Variants in NXPE1 observed in about 807,000 individuals in gnomAD.
NXPE1 encodes the protein NXPE family member 1.
NXPE1 carries 31 observed loss-of-function variants against 33.3 expected under a neutral mutation model. That is an observed-to-expected ratio of 0.93 (90% confidence interval 0.70 to 1.26). The LOEUF (loss-of-function observed/expected upper bound fraction) is 1.26, where lower values mean the gene tolerates loss of function less well. Ranked by LOEUF, NXPE1 falls within the 50% of genes most tolerant of loss-of-function variation. The pLI, the probability that NXPE1 is intolerant of heterozygous loss-of-function variation, is 0.00. For synonymous variants in NXPE1, 229 were observed against 231.4 expected, an observed-to-expected ratio of 0.99 and a Z score of 0.09; for missense variants, 661 against 655.6, an observed-to-expected ratio of 1.01 and a Z score of -0.09.
At chr11:114,538,154 A>T (rs932550082) in intron 5 of NXPE1, among the ~76,000 whole-genome samples, 1 of 152,204 alleles carries the variant, frequency 6.6e-6, no homozygotes, top group Non-Finnish European at 1.5e-5. Context: ...TCTTTGACAA[A>T]CCTGACAAAA....
intron 5 of NXPE1, among the ~76,000 whole-genome samples, chr11:114,535,453 C>G (rs680595): frequency 0.6 from 91,087 of 152,018 alleles, 29,089 homozygotes; most frequent in African/African-American, 0.84. Flanking sequence ...AATGTAAATG[C>G]GCTAAATTGC....
At chr11:114,533,359 GT>G (rs1383837771) in intron 5 of NXPE1, among the ~76,000 whole-genome samples, 1 of 152,200 alleles carries the variant, frequency 6.6e-6, no homozygotes, top group East Asian at 1.9e-4. Flanking sequence ...CCCAGCATGA[GT>G]GATGCAGAAG....
At chr11:114,559,762 T>G (rs1948736093) in intron 1 of NXPE1, 36 bp downstream of exon 1, 2 of 152,332 alleles carry the variant, frequency 1.3e-5, no homozygotes, top group Admixed American at 1.3e-4. Context: ...AGATTAGAAA[T>G]AGAGAAAGGC....
At chr11:114,554,480 TAAAA>T in intron 1 of NXPE1, 1 of 615,610 alleles carries the variant, frequency 1.6e-6, no homozygotes, top group Non-Finnish European at 2.0e-6. Flanking sequence ...TCCAAATACA[TAAAA>T]TAAAATGTAT....
chr11:114,523,398 A>G (rs1272004808), intron 7 of NXPE1, among the ~76,000 whole-genome samples: 1 of 151,902 alleles, frequency 6.6e-6, no homozygotes, highest in Non-Finnish European at 1.5e-5. Context: ...CTCTGTGGTG[A>G]CTTCTGTCTT....
chr11:114,530,286 G>C (rs1354117471), exon 6 of NXPE1: 7 of 1,614,038 alleles, frequency 4.3e-6, no homozygotes, highest in Middle Eastern at 3.3e-4. Context: ...ACAATAGAAG[G>C]CTTCTTGGTC....
chr11:114,544,283 AAAG>A lies in NXPE1; in HGVS notation c.99+6817_99+6819del, dbSNP rs1364381680. On this transcript the variant is annotated intron_variant, in intron 5 of 8. Transcript: ENST00000534921. ...GGAACCAAAATAACTCAATTCTGAG[AAAG>A]AAGAACAAAATGGGAAAAATCTCAT... Among the ~76,000 whole-genome samples the A allele has an allele frequency of 2.6e-5, 4 of 152,212 alleles. No individual in the cohort carries two copies. In the East Asian group the frequency reaches 7.7e-4, roughly 29 times the overall value.
At chr11:114,555,363 A>G (rs776800088) in intron 1 of NXPE1, among the ~76,000 whole-genome samples, 1 of 152,076 alleles carries the variant, frequency 6.6e-6, no homozygotes, top group Non-Finnish European at 1.5e-5. Flanking sequence ...AGCTGGGACT[A>G]CAACAGGTAT....
chr11:114,520,411 C>G (rs929582426), downstream of NXPE1, among the ~76,000 whole-genome samples: 5 of 152,186 alleles, frequency 3.3e-5, no homozygotes, highest in African/African-American at 1.2e-4. Context: ...GTAACGTCCT[C>G]CAGGTTCACC....
intron 6 of NXPE1, chr11:114,529,007 C>A: frequency 2.4e-6 from 1 of 409,460 alleles, no homozygotes; most frequent in Non-Finnish European, 4.3e-6. Context: ...GATCAGGAGC[C>A]AAAACTTGGA....
At chr11:114,538,647 G>A (rs1157224418) in intron 5 of NXPE1, among the ~76,000 whole-genome samples, 1 of 152,144 alleles carries the variant, frequency 6.6e-6, no homozygotes, top group Non-Finnish European at 1.5e-5. Flanking sequence ...CTCAATAGAA[G>A]ACATTTATTT....
chr11:114,544,380 C>G (rs1163251130), intron 5 of NXPE1, among the ~76,000 whole-genome samples: 3 of 152,122 alleles, frequency 2.0e-5, no homozygotes, highest in Middle Eastern at 3.2e-3. Flanking sequence ...AAAGAATGAA[C>G]AGATTAATCA....
intron 1 of NXPE1, chr11:114,554,365 C>T: frequency 1.0e-6 from 1 of 985,248 alleles, no homozygotes; most frequent in Non-Finnish European, 1.2e-6. Flanking sequence ...GAGGGGGCAG[C>T]AGCCTAGCTT....
At chr11:114,536,268 G>A (rs1212915237) in intron 5 of NXPE1, among the ~76,000 whole-genome samples, 1 of 152,168 alleles carries the variant, frequency 6.6e-6, no homozygotes, top group East Asian at 1.9e-4. Context: ...GAATCTCTGG[G>A]ACATATTCAA....
In NXPE1 at chr11:114,551,431, C is replaced by A. The variant is rs1400587907; in HGVS notation, c.-59G>T. ...TTTCACTCAGGATTGTTGCTTCCTC[C>A]TTCCAGGACCCTGAAATGGAAGTCA... On this transcript the variant is annotated 5_prime_UTR_variant, in exon 4 of 9. The change creates a new upstream start codon in the 5' untranslated region. Coordinates refer to ENST00000534921, the Ensembl canonical transcript of NXPE1. 5 of 1,271,300 alleles carry A rather than the reference C, an allele frequency of 3.9e-6. No individual in the cohort carries two copies. In the Admixed American group the frequency reaches 1.9e-4, roughly 49 times the overall value. The allele number at this position is 1,271,300 out of a possible 1,614,324, so 78.8% of individuals were successfully genotyped here. A position where few individuals can be genotyped will look rare whatever the true frequency, so the allele number is the denominator to read the frequency against.
At chr11:114,550,749 G>A (rs1294984210) in intron 5 of NXPE1, among the ~76,000 whole-genome samples, 1 of 152,122 alleles carries the variant, frequency 6.6e-6, no homozygotes, top group Non-Finnish European at 1.5e-5. Flanking sequence ...CATGGAAAAG[G>A]AAATCATAGA....
At chr11:114,548,321 A>C (rs1438110804) in intron 5 of NXPE1, among the ~76,000 whole-genome samples, 1 of 152,128 alleles carries the variant, frequency 6.6e-6, no homozygotes, top group African/African-American at 2.4e-5. Context: ...ATAAAGACAG[A>C]TCGTGTAGAT....
At chr11:114,554,751 G>A (rs994546150) in intron 1 of NXPE1, among the ~76,000 whole-genome samples, 3 of 152,128 alleles carry the variant, frequency 2.0e-5, no homozygotes, top group South Asian at 2.1e-4. Context: ...TAATATTACC[G>A]TGATTTGTTG....
chr11:114,530,132 T>C, intron 6 of NXPE1, 43 bp downstream of exon 6: 2 of 1,539,942 alleles, frequency 1.3e-6, no homozygotes, highest in South Asian at 1.3e-5. Context: ...ACTGGGGCAC[T>C]TCTCAGGGGA....
Sources: allele counts gnomAD v4.1 joint callset (sites outside exome capture counted in the v4.1 genomes callset), GRCh38; gene constraint gnomAD v4.1.1; transcripts MANE v1.5; gene names NCBI Gene and HGNC (gene_info 2026-07-23, HGNC 2026-07-21).